Variants in DIP2C observed in about 807,000 individuals in gnomAD.
The protein encoded by DIP2C is DIP2 acetate--CoA ligase C (putative).
A neutral mutation model predicts 192.4 loss-of-function variants in DIP2C; 33 were observed. The observed-to-expected ratio is 0.17, with a 90% CI of 0.13 to 0.23. The LOEUF (loss-of-function observed/expected upper bound fraction) is 0.23, where lower values mean the gene tolerates loss of function less well. Among genes scored for constraint, DIP2C ranks in the 10% least tolerant of loss-of-function variants. The pLI, the probability that DIP2C is intolerant of heterozygous loss-of-function variation, is 1.00. For missense variants in DIP2C, 1,537 were observed against 2,110.1 expected (o/e 0.73, Z 5.32); for synonymous variants, 979 against 864.1 (o/e 1.13, Z -2.33).
intron 1 of DIP2C, among the ~76,000 whole-genome samples, chr10:616,437 A>G (rs1320604145): frequency 1.3e-5 from 2 of 152,200 alleles, no homozygotes; most frequent in East Asian, 1.9e-4. Context: ...TTATTTTAGG[A>G]ATTTTTAAAT....
intron 1 of DIP2C, chr10:630,817 G>A (rs1176092341): frequency 6.6e-6 from 1 of 152,280 alleles, no homozygotes; most frequent in African/African-American, 2.4e-5. Flanking sequence ...TGATGCCCAG[G>A]CCTCGCCATG....
At chr10:565,353 C>CT (rs1286493231) in intron 1 of DIP2C, among the ~76,000 whole-genome samples, 2 of 89,652 alleles carry the variant, frequency 2.2e-5, no homozygotes, top group African/African-American at 2.1e-4. Context: ...TACCTGCATT[C>CT]TAAAAAAAAA....
At position 547,760 on chromosome 10, in the gene DIP2C, T is replaced by TATA. The variant is rs1848361667; in HGVS notation, c.86-61233_86-61231dup. On this transcript the variant is annotated intron_variant, in intron 1 of 36. Transcript: ENST00000280886. ...ATCATCCTCAAATCATCTCTCAGTT[T>TATA]ATACATGTGATAAAATCTCAGTCAC... Among the ~76,000 whole-genome samples the TATA allele has an allele frequency of 3.9e-5, 6 of 152,258 alleles. 1 individual carries two copies. In the South Asian group the frequency reaches 1.2e-3, roughly 32 times the overall value.
At position 274,909 on chromosome 10, in the gene DIP2C, G is replaced by C. The variant is rs1284643539; in HGVS notation, c.*2416C>G. The C allele has an allele frequency of 2.6e-5, 4 of 152,184 alleles. No individual in the cohort carries two copies. The highest frequency in any genetic ancestry group is 9.6e-5 in the African/African-American group (4 of 41,460). 9.4% of individuals were successfully genotyped at this position (152,184 alleles called of 1,614,324 possible). ...TATCTACAGTACAATTTTGAATACA[G>C]AATGACCCTTCTTTATTGCTGAAAC... On this transcript the variant is annotated 3_prime_UTR_variant, in exon 37 of 37. Transcript: ENST00000280886.
At chr10:656,170 G>GC (rs1224478437) in intron 1 of DIP2C, among the ~76,000 whole-genome samples, 28 of 152,146 alleles carry the variant, frequency 1.8e-4, no homozygotes, top group African/African-American at 2.2e-4. Context: ...TCTATTCTAT[G>GC]TTACCCTATA....
At chr10:555,921 G>A (rs375166823) in intron 1 of DIP2C, among the ~76,000 whole-genome samples, 15 of 152,174 alleles carry the variant, frequency 9.9e-5, no homozygotes, top group African/African-American at 1.9e-4. Flanking sequence ...ACTGTTGCCC[G>A]GCCCTGCAGC....
In DIP2C at chr10:340,865, C is replaced by A. The variant is rs1356433267; in HGVS notation, c.3584+334G>T. 2.1e-5 allele frequency: 10 copies of A among 468,836 alleles called. No individual in the cohort carries two copies. In the East Asian group the frequency reaches 5.9e-4, roughly 28 times the overall value. 29.0% of individuals were successfully genotyped at this position (468,836 alleles called of 1,614,324 possible). A position where few individuals can be genotyped will look rare whatever the true frequency, so the allele number is the denominator to read the frequency against. ...CAGCCTGCAATGCCTGCTGGCCCAG[C>A]GAGAACCCAGGCCCAGCACCATCGC... On this transcript the variant is annotated intron_variant, in intron 29 of 36. Transcript: ENST00000280886.
chr10:417,741 AGG>A (rs1965788140), intron 6 of DIP2C, among the ~76,000 whole-genome samples: 1 of 129,076 alleles, frequency 7.7e-6, no homozygotes, highest in Non-Finnish European at 1.6e-5. Context: ...TGCGCCTGTC[AGG>A]GCTCGGATAG....
At chr10:456,076 A>G (rs368659777) in intron 3 of DIP2C, among the ~76,000 whole-genome samples, 180 of 37,094 alleles carry the variant, frequency 4.9e-3, no homozygotes, top group South Asian at 8.9e-3. Context: ...ACTGTGAGGA[A>G]TAAATGAGAT....
intron 3 of DIP2C, among the ~76,000 whole-genome samples, chr10:449,920 C>CAACAACAACAAAAAAAAAAAAAAAAA (rs1408389732): frequency 7.4e-6 from 1 of 135,912 alleles, no homozygotes; most frequent in Non-Finnish European, 1.5e-5. Context: ...TCAACAACAA[C>CAACAACAACAAAAAAAAAAAAAAAAA]AAAAAAAAAA....
chr10:532,221 C>T (rs1847410987), intron 1 of DIP2C, among the ~76,000 whole-genome samples: 1 of 152,152 alleles, frequency 6.6e-6, no homozygotes, highest in Non-Finnish European at 1.5e-5. Context: ...AGGGGCTCAT[C>T]CTGGAAGCCC....
At chr10:449,489 CAA>C (rs1284224689) in intron 3 of DIP2C, among the ~76,000 whole-genome samples, 2 of 151,870 alleles carry the variant, frequency 1.3e-5, no homozygotes, top group African/African-American at 2.4e-5. Context: ...AATAATTTAT[CAA>C]GAGTCCTGAA....
At chr10:369,378 T>A in intron 18 of DIP2C, 116 bp downstream of exon 18, 1 of 1,333,268 alleles carries the variant, frequency 7.5e-7, no homozygotes. Context: ...AGTGAGGCTC[T>A]CAGCCTGAGG....
At chr10:547,473 C>G (rs575571565) in intron 1 of DIP2C, among the ~76,000 whole-genome samples, 2 of 152,258 alleles carry the variant, frequency 1.3e-5, no homozygotes, top group South Asian at 2.1e-4. Flanking sequence ...AAGTACCCAG[C>G]AAATACTCAG....
At chr10:519,693 C>CT (rs1269585053) in intron 1 of DIP2C, among the ~76,000 whole-genome samples, 22 of 152,258 alleles carry the variant, frequency 1.4e-4, no homozygotes, top group African/African-American at 2.4e-4. Flanking sequence ...AAACCTGACC[C>CT]TCTCAAGGGC....
At chr10:586,913 G>A (rs984687787) in intron 1 of DIP2C, among the ~76,000 whole-genome samples, 3 of 150,244 alleles carry the variant, frequency 2.0e-5, no homozygotes, top group African/African-American at 4.8e-5. Flanking sequence ...GCCAGACCAC[G>A]TGGGTCCCCA....
At chr10:377,451 C>T (rs190302900) in intron 17 of DIP2C, among the ~76,000 whole-genome samples, 8 of 152,240 alleles carry the variant, frequency 5.3e-5, no homozygotes, top group Non-Finnish European at 1.0e-4. Context: ...GTTTGCTATT[C>T]GATGCTACCT....
intron 1 of DIP2C, among the ~76,000 whole-genome samples, chr10:674,827 G>A (rs1370440630): frequency 1.5e-5 from 2 of 136,736 alleles, no homozygotes; most frequent in South Asian, 4.4e-4. Context: ...GAGAGAGAGA[G>A]AGACCAACAC....
chr10:582,074 CTA>C (rs1850702670), intron 1 of DIP2C, among the ~76,000 whole-genome samples: 1 of 152,112 alleles, frequency 6.6e-6, no homozygotes, highest in South Asian at 2.1e-4. Context: ...ATTCCAGTGT[CTA>C]TGAGAATCTA....
Sources: gnomAD v4.1 joint callset for allele counts (sites outside exome capture counted in the v4.1 genomes callset) on GRCh38, gnomAD v4.1.1 for gene constraint, MANE v1.5 for transcripts, NCBI Gene and HGNC (gene_info 2026-07-23, HGNC 2026-07-21) for gene names.